TPCN1: variants seen among roughly 807,000 people sequenced by gnomAD.
TPCN1 encodes the protein two pore segment channel 1.
A neutral mutation model predicts 108.8 loss-of-function variants in TPCN1; 52 were observed. The ratio of observed to expected loss-of-function variants is 0.48; its 90% CI spans 0.38 to 0.60. The LOEUF is 0.60. Among genes scored for constraint, TPCN1 ranks in the 20% least tolerant of loss-of-function variants. TPCN1 has a pLI of 0.00. For missense variants in TPCN1, 806 were observed against 1,072.8 expected, an observed-to-expected ratio of 0.75 and a Z score of 3.47; for synonymous variants, 446 against 433.7, an observed-to-expected ratio of 1.03 and a Z score of -0.35.
rs1953697215 is a variant in TPCN1 at position 113,231,851 on chromosome 12, CA to C, written c.112+4888del. ...TGGAAACTAGGAATAACCTTGAAAA[CA>C]GTCAGCGGGGCCACTGTTAGAGCAG... is the stretch of plus-strand genomic sequence containing the variant. On this transcript the variant is annotated intron_variant, in intron 2 of 27. Coordinates refer to ENST00000335509, the MANE Select transcript of TPCN1 (RefSeq NM_017901.6). The surrounding 1 kb of genome is among the most constrained non-coding windows in gnomAD (Gnocchi z 4.3). Among the ~76,000 whole-genome samples the C allele has an allele frequency of 6.6e-6, 1 of 152,196 alleles. No individual in the cohort carries two copies. The highest frequency in any genetic ancestry group is 6.5e-5 in the Admixed American group (1 of 15,288).
chr12:113,242,893 A>G (rs1347340973), intron 2 of TPCN1, among the ~76,000 whole-genome samples: 2 of 152,020 alleles, frequency 1.3e-5, no homozygotes, highest in Non-Finnish European at 2.9e-5. Context: ...CCCATTTTAG[A>G]TCTCAGTGCA....
Position 113,288,107 on chromosome 12 carries a change from G to C in TPCN1, c.1635-56G>C. The C allele has an allele frequency of 6.5e-7, 1 of 1,531,916 alleles. No individual in the cohort carries two copies. Among genetic ancestry groups the C allele is most frequent in the Non-Finnish European group, 8.9e-7 (1 of 1,118,806 alleles). 94.9% of individuals were successfully genotyped at this position (1,531,916 alleles called of 1,614,324 possible). A position where few individuals can be genotyped will look rare whatever the true frequency, so the allele number is the denominator to read the frequency against. On this transcript the variant is annotated intron_variant, in intron 19 of 27. Transcript: ENST00000335509. The surrounding 1 kb of genome is among the most constrained non-coding windows in gnomAD (Gnocchi z 4.8). The stretch of plus-strand genomic sequence containing the variant: ...AAGGCGGGGCCGGCATGTTCTGAGG[G>C]CGGGGGCTGAGGCGTGCACCTGTGT...
At position 113,290,857 on chromosome 12, in the gene TPCN1, G is replaced by C. The variant is rs749638746; in HGVS notation, c.1913-95G>C. ...GTCATATGGTGACCCTCTCATCTTA[G>C]CACATGGCACCCAGGATAGGTGGCA... On this transcript the variant is annotated intron_variant, in intron 22 of 27. Transcript: ENST00000335509. The C allele has an allele frequency of 6.6e-6, 8 of 1,208,850 alleles. No homozygotes were observed. In the African/African-American group the frequency reaches 1.0e-4, roughly 16 times the overall value. 74.9% of individuals were successfully genotyped at this position (1,208,850 alleles called of 1,614,324 possible).
intron 14 of TPCN1, among the ~76,000 whole-genome samples, chr12:113,279,356 T>TGC (rs1955790655): frequency 1.4e-5 from 1 of 73,400 alleles, no homozygotes; most frequent in Non-Finnish European, 2.6e-5. Flanking sequence ...TGTGTGTGTG[T>TGC]GTGTATATAT....
intron 2 of TPCN1, among the ~76,000 whole-genome samples, chr12:113,259,082 T>C (rs535347070): frequency 1.3e-5 from 2 of 152,088 alleles, no homozygotes; most frequent in Admixed American, 6.5e-5. Context: ...GTTCAAGTGA[T>C]TCTCATGCCT....
intron 25 of TPCN1, 74 bp from the exon 26 acceptor site, chr12:113,292,860 A>C (rs1593217983): frequency 6.5e-7 from 1 of 1,540,176 alleles, no homozygotes; most frequent in Non-Finnish European, 8.8e-7. Flanking sequence ...GAAGGGGGCA[A>C]GGAGGTACGA....
At position 113,289,884 on chromosome 12, in the gene TPCN1, C is replaced by T. The variant is rs1326667089; in HGVS notation, c.1797-244C>T. Among the ~76,000 whole-genome samples the T allele has an allele frequency of 6.6e-6, 1 of 152,202 alleles. No individual in the cohort carries two copies. Among genetic ancestry groups the T allele is most frequent in the Non-Finnish European group, 1.5e-5 (1 of 68,038 alleles). On this transcript the variant is annotated intron_variant, in intron 21 of 27. Coordinates refer to ENST00000335509, the MANE Select transcript of TPCN1 (RefSeq NM_017901.6). The surrounding 1 kb of genome is among the most constrained non-coding windows in gnomAD (Gnocchi z 4.1). The stretch of plus-strand genomic sequence containing the variant: ...GGCCCTGCCTGCAGCAGACAACTTC[C>T]AGGTGACAGAGGTGGGTCAGGCTGG...
rs201007653 is a variant in TPCN1, at chr12:113,277,297, C to T, written c.1117C>T (p.Arg373Trp). The T allele has an allele frequency of 1.8e-5, 29 of 1,614,150 alleles. No individual in the cohort carries two copies. The highest frequency in any genetic ancestry group is 4.0e-5 in the African/African-American group (3 of 75,046). Residue 373 changes from arginine to tryptophan, a missense_variant, in exon 12 of 28, where the codon CGG (arginine) becomes TGG (tryptophan). By Grantham distance (101) the Arg-to-Trp change is moderately radical. Transcript: ENST00000335509. ...FEGLMRFYKPRMSARERYLTF... is the reference protein window; with the variant it reads ...FEGLMRFYKPWMSARERYLTF... ...AGGCCTCATGCGCTTCTACAAGCCC[C>T]GGATGAGTGCCAGGGAGCGCTATCT...
rs772368708 is a variant in TPCN1 at position 113,266,906 on chromosome 12, G to C, written c.414+550G>C. Among the ~76,000 whole-genome samples the C allele has an allele frequency of 6.6e-6, 1 of 152,190 alleles. No individual in the cohort carries two copies. Among genetic ancestry groups the C allele is most frequent in the Non-Finnish European group, 1.5e-5 (1 of 68,030 alleles). ...TGTTGAGTTAGGAAGCGCTCATCCA[G>C]CCTGGCCTCCAAGGCCCTCCATGAC... On this transcript the variant is annotated intron_variant, in intron 4 of 27. Coordinates refer to ENST00000335509, the MANE Select transcript of TPCN1 (RefSeq NM_017901.6). This position sits in a 1 kb window ranked among gnomAD's most constrained non-coding sequence, Gnocchi z 4.2.
chr12:113,233,916 G>C (rs1953789761), intron 2 of TPCN1, among the ~76,000 whole-genome samples: 1 of 152,190 alleles, frequency 6.6e-6, no homozygotes, highest in African/African-American at 2.4e-5. Flanking sequence ...CTCTTACCTA[G>C]TATGCCCCCC....
chr12:113,269,939 G>A lies in TPCN1; in HGVS notation c.748+94G>A. 2 of 1,386,830 alleles carry A rather than the reference G, an allele frequency of 1.4e-6. No homozygotes were observed. The highest frequency in any genetic ancestry group is 2.0e-6 in the Non-Finnish European group (2 of 991,170). 85.9% of individuals were successfully genotyped at this position (1,386,830 alleles called of 1,614,324 possible). A position where few individuals can be genotyped will look rare whatever the true frequency, so the allele number is the denominator to read the frequency against. On this transcript the variant is annotated intron_variant, in intron 7 of 27. Coordinates refer to ENST00000335509, the MANE Select transcript of TPCN1 (RefSeq NM_017901.6). This position sits in a 1 kb window ranked among gnomAD's most constrained non-coding sequence, Gnocchi z 5.0. ...GGGCCTGGCTCAGTGGCTCACGCCT[G>A]TAATCCTAGCATTTTGGGAGGCCAA...
intron 15 of TPCN1, among the ~76,000 whole-genome samples, chr12:113,282,384 C>T (rs918167217): frequency 6.6e-6 from 1 of 151,984 alleles, no homozygotes; most frequent in Admixed American, 6.6e-5. Context: ...TGAGCCACCG[C>T]ATCCGGCCTA....
chr12:113,264,035 C>T (rs1379378779), intron 3 of TPCN1, among the ~76,000 whole-genome samples: 1 of 152,112 alleles, frequency 6.6e-6, no homozygotes, highest in East Asian at 1.9e-4. Flanking sequence ...GACCTTCATT[C>T]CTGGTTATTT....
rs373226383 is a variant in TPCN1, at chr12:113,288,144, G to A, written c.1635-19G>A. 2.8e-5 allele frequency: 45 copies of A among 1,606,858 alleles called. No homozygotes were observed. Among genetic ancestry groups the A allele is most frequent in the African/African-American group, 1.5e-4 (11 of 74,830 alleles). On this transcript the variant is annotated intron_variant, in intron 19 of 27. Coordinates refer to ENST00000335509, the MANE Select transcript of TPCN1 (RefSeq NM_017901.6). The surrounding 1 kb of genome is among the most constrained non-coding windows in gnomAD (Gnocchi z 4.8). ...GCGTGCACCTGTGTGTGGAGGTGAC[G>A]GGTGTCCTCCTCGCTCAGGTTGTTT... is the stretch of plus-strand genomic sequence containing the variant.
At position 113,294,483 on chromosome 12, in the gene TPCN1, C is replaced by T. The variant is rs113148090; in HGVS notation, c.2334+1134C>T. 9.2e-3 allele frequency among the ~76,000 whole-genome samples: 1,405 copies of T among 152,140 alleles called. 10 individuals are homozygous for T. The highest frequency in any genetic ancestry group is 0.015 in the Non-Finnish European group (1,008 of 67,980). ...CTCTACTAAAATTACAAAATTTAGC[C>T]AGGCCTGGTTCCGTGCACCTGTAAT... On this transcript the variant is annotated intron_variant, in intron 27 of 27. Coordinates refer to ENST00000335509, the MANE Select transcript of TPCN1 (RefSeq NM_017901.6).
Position 113,231,351 on chromosome 12 carries a change from T to C in TPCN1, c.112+4387T>C, listed in dbSNP as rs957113948. 6.6e-6 allele frequency among the ~76,000 whole-genome samples: 1 copy of C among 152,234 alleles called. No homozygotes were observed. Among genetic ancestry groups the C allele is most frequent in the African/African-American group, 2.4e-5 (1 of 41,456 alleles). ...TTCCTTGGCTCGCAAATGGTTATCTTCTTGCTGTGTCCCCACATGATTGTC... is the reference window on the plus strand; with the variant it reads ...TTCCTTGGCTCGCAAATGGTTATCTCCTTGCTGTGTCCCCACATGATTGTC... On this transcript the variant is annotated intron_variant, in intron 2 of 27. Transcript: ENST00000335509. The surrounding 1 kb of genome is among the most constrained non-coding windows in gnomAD (Gnocchi z 4.3).
At chr12:113,233,525 C>T (rs935034486) in intron 2 of TPCN1, among the ~76,000 whole-genome samples, 7 of 152,232 alleles carry the variant, frequency 4.6e-5, no homozygotes, top group Non-Finnish European at 7.3e-5. Context: ...GCCCCCACGC[C>T]GCCTTCCTGC....
chr12:113,295,160 T>A (rs1165796637), intron 27 of TPCN1, among the ~76,000 whole-genome samples: 1 of 152,152 alleles, frequency 6.6e-6, no homozygotes, highest in East Asian at 1.9e-4. Context: ...TGGAAGGAGG[T>A]GTGCTGCCCT....
Position 113,273,645 on chromosome 12 carries a change from G to C in TPCN1, c.919G>C (p.Glu307Gln). 6.2e-7 allele frequency: 1 copy of C among 1,614,128 alleles called. No individual in the cohort carries two copies. The highest frequency in any genetic ancestry group is 1.1e-5 in the South Asian group (1 of 91,080). The change falls in exon 10 of 28, where the codon GAG becomes CAG. Residue 307 changes from glutamate to glutamine, a missense_variant. Physicochemically the swap from Glu to Gln is conservative, Grantham distance 29. Coordinates refer to ENST00000335509, the MANE Select transcript of TPCN1 (RefSeq NM_017901.6). This position sits in a 1 kb window ranked among gnomAD's most constrained non-coding sequence, Gnocchi z 4.0. The stretch of plus-strand genomic sequence containing the variant: ...CTTCTTCATCGTGTACCTCTCCATC[G>C]AGCTGTATTTCATCATGAACCTGGT... ...CVFFIVYLSI[E>Q]LYFIMNLLLA...
Sources: allele counts gnomAD v4.1 joint callset (sites outside exome capture counted in the v4.1 genomes callset), GRCh38; gene constraint gnomAD v4.1.1; non-coding constraint Gnocchi (gnomAD v3.1); transcripts MANE v1.5; gene names NCBI Gene and HGNC (gene_info 2026-07-23, HGNC 2026-07-21).